Variants in WEE2 observed in about 807,000 individuals in gnomAD.
WEE2 encodes wee1-like protein kinase 2.
WEE2 carries 50 observed loss-of-function variants against 60.1 expected under a neutral mutation model. That is an observed-to-expected ratio of 0.83 (90% CI 0.66 to 1.05). The LOEUF (loss-of-function observed/expected upper bound fraction) is 1.05. WEE2 is among the 50% of genes least tolerant of loss of function. WEE2 has a pLI of 0.00. For synonymous variants in WEE2, 240 were observed against 241.0 expected (o/e 1.00, Z 0.04); for missense variants, 631 against 684.3 (o/e 0.92, Z 0.87).
intron 10 of WEE2, among the ~76,000 whole-genome samples, chr7:141,728,677 T>A (rs1799065228): frequency 6.6e-6 from 1 of 151,886 alleles, no homozygotes; most frequent in Non-Finnish European, 1.5e-5. Flanking sequence ...AGACCAGGGG[T>A]CCCCAGCCCC....
At chr7:141,727,933 T>G (rs1799048436) in intron 10 of WEE2, 1 of 153,930 alleles carries the variant, frequency 6.5e-6, no homozygotes, top group Non-Finnish European at 1.4e-5. Context: ...GGGCTTGTAT[T>G]CATGCATATA....
chr7:141,730,194 G>T, intron 11 of WEE2, 101 bp from the exon 12 acceptor site: 1 of 1,083,394 alleles, frequency 9.2e-7, no homozygotes, highest in Admixed American at 2.1e-5. Context: ...CTTCTCAAGG[G>T]TCCCAGACAC....
At chr7:141,729,988 TAAA>T (rs752330849) in intron 11 of WEE2, among the ~76,000 whole-genome samples, 2 of 99,304 alleles carry the variant, frequency 2.0e-5, no homozygotes, top group East Asian at 5.5e-4. Context: ...ACTCTGTATC[TAAA>T]AAAAAAAAAA....
At chr7:141,720,060 C>T (rs1256423911) in intron 4 of WEE2, among the ~76,000 whole-genome samples, 2 of 150,284 alleles carry the variant, frequency 1.3e-5, no homozygotes, top group Admixed American at 6.6e-5. Context: ...TCAGATCAGC[C>T]AAGGCTTTTT....
intron 10 of WEE2, among the ~76,000 whole-genome samples, chr7:141,728,459 C>T (rs1356370821): frequency 6.6e-6 from 1 of 152,084 alleles, no homozygotes; most frequent in Admixed American, 6.5e-5. Flanking sequence ...TTTTTCTGTT[C>T]TAGTTTTGAA....
intron 2 of WEE2, 96 bp from the exon 3 acceptor site, chr7:141,716,126 A>G (rs1350682035): frequency 9.4e-7 from 1 of 1,063,904 alleles, no homozygotes; most frequent in African/African-American, 1.6e-5. Flanking sequence ...AGAGAAATGA[A>G]TTGTCTTATT....
intron 8 of WEE2, 39 bp from the exon 9 acceptor site, chr7:141,724,987 T>C (rs1458526613): frequency 2.2e-5 from 35 of 1,599,288 alleles, no homozygotes; most frequent in Non-Finnish European, 3.0e-5. Flanking sequence ...CTCACCCTGC[T>C]TGGCATAGTA....
Position 141,714,377 on chromosome 7 carries a change from G to T in WEE2, c.511G>T (p.Gly171Cys), listed in dbSNP as rs764815200. The change falls in exon 2 of 12, where the codon GGT (glycine) becomes TGT (cysteine). Residue 171 changes from glycine (G) to cysteine (C), a missense_variant. Coordinates refer to ENST00000397541, the MANE Select transcript of WEE2 (RefSeq NM_001105558.1). ...CTATAAAAAATTATTTCTTCAATCT[G>T]GTGGCAAGAGGAAAATAAGAGGAGA... is the stretch of plus-strand genomic sequence containing the variant. ...ESYKKLFLQSGGKRKIRGDLE... is the reference protein window; with the variant it reads ...ESYKKLFLQSCGKRKIRGDLE... 11 of 1,610,838 alleles carry T rather than the reference G, an allele frequency of 6.8e-6. No homozygotes were observed. The African/African-American group carries it at 1.3e-4, about 20-fold the overall frequency.
At position 141,721,054 on chromosome 7, in the gene WEE2, A is replaced by G; in HGVS notation, c.878A>G (p.Asn293Ser). ...DHMIIQNEYC[N>S]GGSLQAAISE... ...ATGATCATTCAGAATGAATACTGCA[A>G]TGGTAAGTAGTATATAGATGAATAA... Residue 293 changes from asparagine to serine, a missense_variant and splice_region_variant, in exon 5 of 12, where the codon AAT becomes AGT. Physicochemically the swap from Asn to Ser is conservative, Grantham distance 46 (BLOSUM62 1). Transcript: ENST00000397541. 1 of 1,614,200 alleles carries G rather than the reference A, an allele frequency of 6.2e-7. No individual in the cohort carries two copies. Among genetic ancestry groups the G allele is most frequent in the Non-Finnish European group, 8.5e-7 (1 of 1,180,024 alleles).
At position 141,728,503 on chromosome 7, in the gene WEE2, G is replaced by A. The variant is rs190692166; in HGVS notation, c.1536-1028G>A. On this transcript the variant is annotated intron_variant, in intron 10 of 11. Transcript: ENST00000397541. ...TCCCAGCTAATAAAGAAAGTACAAA[G>A]TACTATACTTACATATGTTATTCAC... 2.1e-3 allele frequency among the ~76,000 whole-genome samples: 321 copies of A among 152,258 alleles called. 2 individuals are homozygous for A. Among genetic ancestry groups the A allele is most frequent in the African/African-American group, 1.3e-3 (52 of 41,554 alleles).
chr7:141,729,651 T>G lies in WEE2; in HGVS notation c.1656T>G (p.Ser552Arg), dbSNP rs770687706. 1.9e-6 allele frequency: 3 copies of G among 1,613,116 alleles called. No homozygotes were observed. Among genetic ancestry groups the G allele is most frequent in the African/African-American group, 1.3e-5 (1 of 74,870 alleles). Residue 552 changes from serine (S) to arginine (R), a missense_variant, in exon 11 of 12, where the codon AGT (serine) becomes AGG (arginine). Transcript: ENST00000397541. ...RSTKRLVGGK[S>R]ARSSSFTSGE... ...CAAAACGCCTGGTGGGAGGAAAGAG[T>G]GCAAGGTCTTCAAGCTTTACCTGTG... is the stretch of plus-strand genomic sequence containing the variant.
At chr7:141,720,807 G>C in intron 4 of WEE2, 128 bp from the exon 5 acceptor site, 1 of 1,000,926 alleles carries the variant, frequency 1.0e-6, no homozygotes, top group South Asian at 1.6e-5. Context: ...AGATAAAATA[G>C]TAAGCAAGCA....
Position 141,719,130 on chromosome 7 carries a change from T to C in WEE2, c.644T>C (p.Val215Ala), listed in dbSNP as rs1467852391. The change falls in exon 4 of 12, where the codon GTT becomes GCT. Residue 215 changes from valine (V) to alanine (A), a missense_variant. By Grantham distance (64) the Val-to-Ala change is moderately conservative. Coordinates refer to ENST00000397541, the MANE Select transcript of WEE2 (RefSeq NM_001105558.1). ...ASRYEKEFLE[V>A]EKIGVGEFGT... ...CGCTATGAAAAAGAATTCTTGGAGG[T>C]TGAAAAAATTGGGGTTGGCGAATTT... is the stretch of plus-strand genomic sequence containing the variant. 6 of 1,613,890 alleles carry C rather than the reference T, an allele frequency of 3.7e-6. No homozygotes were observed. The African/African-American group carries it at 5.3e-5, about 14-fold the overall frequency.
Position 141,708,865 on chromosome 7 carries a change from C to T in WEE2, c.107C>T (p.Ala36Val). 1 of 1,614,152 alleles carries T rather than the reference C, an allele frequency of 6.2e-7. No individual in the cohort carries two copies. Among genetic ancestry groups the T allele is most frequent in the Non-Finnish European group, 8.5e-7 (1 of 1,180,020 alleles). Residue 36 changes from alanine to valine, a missense_variant, in exon 1 of 12, where the codon GCT (alanine) becomes GTT (valine). Coordinates refer to ENST00000397541, the MANE Select transcript of WEE2 (RefSeq NM_001105558.1). ...AAGAAAGTAGAAGAAAGCAGGGAGG[C>T]TTCGAGCCAAACCCCAGAGAAGGGT... is the stretch of plus-strand genomic sequence containing the variant. ...GQKKVEESRE[A>V]SSQTPEKGEV...
At position 141,729,562 on chromosome 7, in the gene WEE2, C is replaced by A. The variant is rs1183958505; in HGVS notation, c.1567C>A (p.Pro523Thr). The A allele has an allele frequency of 1.2e-6, 2 of 1,614,084 alleles. No individual in the cohort carries two copies. The highest frequency in any genetic ancestry group is 1.7e-6 in the Non-Finnish European group (2 of 1,180,050). The change falls in exon 11 of 12, where the codon CCC becomes ACC. Residue 523 changes from proline to threonine, a missense_variant. Pro to Thr is a conservative substitution (Grantham distance 38). Coordinates refer to ENST00000397541, the MANE Select transcript of WEE2 (RefSeq NM_001105558.1). Reference protein sequence around the residue: ...ELREAQQAQSPQGYTHHGDTG... With the variant: ...ELREAQQAQSTQGYTHHGDTG... The stretch of plus-strand genomic sequence containing the variant: ...GAGAGAAGCCCAGCAGGCCCAGTCA[C>A]CCCAGGGATATACCCATCATGGTGA...
rs755113266 is a variant in WEE2, at chr7:141,725,150, C to T, written c.1346C>T (p.Pro449Leu). ...CACCATATCCGCAAGGGTAACTTTC[C>T]GGACGTTCCTCAGGAGCTCTCAGAA... ...AWHHIRKGNF[P>L]DVPQELSESF... Residue 449 changes from proline (P) to leucine (L), a missense_variant, in exon 9 of 12, where the codon CCG becomes CTG. Physicochemically the swap from Pro to Leu is moderately conservative, Grantham distance 98 (BLOSUM62 -3). Transcript: ENST00000397541. The T allele has an allele frequency of 1.1e-5, 17 of 1,614,048 alleles. No individual in the cohort carries two copies. The highest frequency in any genetic ancestry group is 6.7e-5 in the Admixed American group (4 of 60,010).
rs574200126 is a variant in WEE2, at chr7:141,710,357, G to A, written c.342+1257G>A. On this transcript the variant is annotated intron_variant, in intron 1 of 11. Coordinates refer to ENST00000397541, the MANE Select transcript of WEE2 (RefSeq NM_001105558.1). Reference sequence around the variant, plus strand: ...AGTTGGTCCAGTTTTGATATATGGGGGAGAATGGGCTGAGAGAATGTGGCT... The same window carrying A: ...AGTTGGTCCAGTTTTGATATATGGGAGAGAATGGGCTGAGAGAATGTGGCT... 2.6e-5 allele frequency among the ~76,000 whole-genome samples: 4 copies of A among 152,252 alleles called. No homozygotes were observed. In the East Asian group the frequency reaches 7.7e-4, roughly 29 times the overall value.
chr7:141,713,794 T>A (rs927906665), intron 1 of WEE2, among the ~76,000 whole-genome samples: 1 of 152,192 alleles, frequency 6.6e-6, no homozygotes, highest in Non-Finnish European at 1.5e-5. Context: ...TGCTACATAG[T>A]AGGCACCAAA....
chr7:141,727,274 G>A (rs2117125062), intron 9 of WEE2, 30 bp from the exon 10 acceptor site: 6 of 1,588,858 alleles, frequency 3.8e-6, no homozygotes, highest in Non-Finnish European at 5.1e-6. Context: ...TGAAGCTTCT[G>A]TTTCTTTCCT....
Sources: allele counts gnomAD v4.1 joint callset (sites outside exome capture counted in the v4.1 genomes callset), GRCh38; gene constraint gnomAD v4.1.1; transcripts MANE v1.5; gene names NCBI Gene and HGNC (gene_info 2026-07-23, HGNC 2026-07-21).